PTPRT: variants seen among roughly 807,000 people sequenced by gnomAD.
PTPRT encodes protein tyrosine phosphatase receptor type T.
In PTPRT, 56 loss-of-function variants were observed where a neutral mutation model predicts 176.8. That is an observed-to-expected ratio of 0.32 (90% CI 0.26 to 0.40). The LOEUF (loss-of-function observed/expected upper bound fraction) is 0.40. Ranked by LOEUF, PTPRT falls within the 10% of genes least tolerant of loss-of-function variation. The pLI, the probability that PTPRT is intolerant of heterozygous loss-of-function variation, is 1.00. For missense variants in PTPRT, 1,540 were observed against 1,908.2 expected, an observed-to-expected ratio of 0.81 and a Z score of 3.60; for synonymous variants, 783 against 739.0, an observed-to-expected ratio of 1.06 and a Z score of -0.96.
intron 6 of PTPRT, among the ~76,000 whole-genome samples, chr20:42,726,067 T>TTATTAC (rs1279802790): frequency 8.3e-6 from 1 of 120,068 alleles, no homozygotes; most frequent in African/African-American, 3.1e-5. Flanking sequence ...TTTATTATTA[T>TTATTAC]TATTATTATT....
At chr20:42,608,524 C>G (rs1359583597) in intron 7 of PTPRT, among the ~76,000 whole-genome samples, 2 of 152,172 alleles carry the variant, frequency 1.3e-5, no homozygotes, top group African/African-American at 4.8e-5. Context: ...GCAGGATTTG[C>G]ACACAGGATC....
At chr20:42,506,857 A>G (rs763599685) in intron 7 of PTPRT, among the ~76,000 whole-genome samples, 3 of 152,034 alleles carry the variant, frequency 2.0e-5, no homozygotes, top group Non-Finnish European at 4.4e-5. Context: ...TGTTTTCTCA[A>G]CCTCTGACCA....
In PTPRT at chr20:42,080,406, T is replaced by C; in HGVS notation, c.*473A>G. ...GGTGCCAGAGGCCCCTGAAGGAGGT[T>C]GCAGGGGGCAGCAGAGCAGTGACCC... On this transcript the variant is annotated 3_prime_UTR_variant, in exon 31 of 31. Coordinates refer to ENST00000373187, the MANE Select transcript of PTPRT (RefSeq NM_007050.6). The C allele has an allele frequency of 4.3e-6, 1 of 233,884 alleles. No homozygotes were observed. Among genetic ancestry groups the C allele is most frequent in the Non-Finnish European group, 8.4e-6 (1 of 118,670 alleles). 14.5% of individuals were successfully genotyped at this position (233,884 alleles called of 1,614,324 possible). A position where few individuals can be genotyped will look rare whatever the true frequency, so the allele number is the denominator to read the frequency against.
chr20:43,098,018 T>A (rs536578925), intron 1 of PTPRT, among the ~76,000 whole-genome samples: 1 of 152,200 alleles, frequency 6.6e-6, no homozygotes, highest in East Asian at 1.9e-4. Context: ...GGCAGTCCCC[T>A]TCGCCAGCTT....
At chr20:43,182,540 G>T (rs1431727224) in intron 1 of PTPRT, among the ~76,000 whole-genome samples, 3 of 152,002 alleles carry the variant, frequency 2.0e-5, no homozygotes, top group Non-Finnish European at 2.9e-5. Flanking sequence ...ACAGGCACAT[G>T]CTACCACACC....
chr20:43,033,698 C>A (rs191704394), intron 1 of PTPRT, among the ~76,000 whole-genome samples: 2 of 152,290 alleles, frequency 1.3e-5, no homozygotes, highest in African/African-American at 4.8e-5. Context: ...AATTTTACCT[C>A]CAAATCTGCA....
At chr20:42,849,536 G>A (rs960573593) in intron 2 of PTPRT, among the ~76,000 whole-genome samples, 2 of 152,090 alleles carry the variant, frequency 1.3e-5, no homozygotes, top group African/African-American at 4.8e-5. Flanking sequence ...TGCCCCTAGG[G>A]TAGCCAAAAC....
rs1281062439 is a variant in PTPRT at position 42,811,993 on chromosome 20, T to A, written c.215-20527A>T. On this transcript the variant is annotated intron_variant, in intron 2 of 30. Transcript: ENST00000373187. ...TTATATTCTTGAACTATGCTTTCTTTCCCTCAAATCTTTTAGATAACCATT... is the reference window on the plus strand; with the variant it reads ...TTATATTCTTGAACTATGCTTTCTTACCCTCAAATCTTTTAGATAACCATT... Among the ~76,000 whole-genome samples, 4 of 152,254 alleles carry A rather than the reference T, an allele frequency of 2.6e-5. No individual in the cohort carries two copies. The East Asian group carries it at 7.7e-4, about 29-fold the overall frequency.
chr20:42,353,165 C>T (rs1489181191), intron 9 of PTPRT, among the ~76,000 whole-genome samples: 1 of 152,182 alleles, frequency 6.6e-6, no homozygotes. Flanking sequence ...CAGTGGTCAC[C>T]ATGCTGGACA....
chr20:42,045,332 G>T, the PTPRT span, among the ~76,000 whole-genome samples: 3 of 151,824 alleles, frequency 2.0e-5, no homozygotes, highest in African/African-American at 7.3e-5. Context: ...TAACAACCAA[G>T]GGAAGATAAC....
chr20:43,014,784 G>A (rs1985295915), intron 1 of PTPRT, among the ~76,000 whole-genome samples: 1 of 152,134 alleles, frequency 6.6e-6, no homozygotes, highest in Non-Finnish European at 1.5e-5. Context: ...AATAAAAAGG[G>A]TAAAAGAGGA....
intron 15 of PTPRT, among the ~76,000 whole-genome samples, chr20:42,202,471 C>T (rs1023374048): frequency 3.3e-5 from 5 of 152,134 alleles, no homozygotes; most frequent in Non-Finnish European, 7.3e-5. Flanking sequence ...AGATATACAA[C>T]AAGAAATGAA....
intron 1 of PTPRT, among the ~76,000 whole-genome samples, chr20:42,999,258 A>T (rs1025288156): frequency 1.3e-5 from 2 of 152,218 alleles, no homozygotes; most frequent in African/African-American, 2.4e-5. Context: ...ACACAAAGAG[A>T]CAAAAAGACT....
At chr20:42,155,441 C>T (rs975688551) in intron 17 of PTPRT, among the ~76,000 whole-genome samples, 5 of 152,058 alleles carry the variant, frequency 3.3e-5, no homozygotes, top group Admixed American at 6.5e-5. Context: ...CCAGCTGGCT[C>T]GGCCAATTGG....
chr20:42,210,907 T>C (rs2055607964), intron 15 of PTPRT, among the ~76,000 whole-genome samples: 1 of 151,182 alleles, frequency 6.6e-6, no homozygotes, highest in Non-Finnish European at 1.5e-5. Context: ...ACTACAAGGC[T>C]ACAGTAACCA....
chr20:43,143,314 A>C (rs1247570375), intron 1 of PTPRT, among the ~76,000 whole-genome samples: 1 of 152,228 alleles, frequency 6.6e-6, no homozygotes, highest in Non-Finnish European at 1.5e-5. Context: ...TCTAATAAAA[A>C]TTCAACAGCT....
intron 7 of PTPRT, among the ~76,000 whole-genome samples, chr20:42,639,363 G>A (rs1051388691): frequency 4.6e-5 from 7 of 151,934 alleles, no homozygotes; most frequent in African/African-American, 1.5e-4. Context: ...TGTTTTCCTC[G>A]TGGTAAAGTA....
intron 1 of PTPRT, among the ~76,000 whole-genome samples, chr20:42,960,671 T>G (rs1332346800): frequency 6.6e-6 from 1 of 152,124 alleles, no homozygotes; most frequent in Non-Finnish European, 1.5e-5. Flanking sequence ...ACTAGGTACA[T>G]GCACACAGGT....
At chr20:42,281,143 A>G (rs1452301596) in intron 13 of PTPRT, among the ~76,000 whole-genome samples, 1 of 151,998 alleles carries the variant, frequency 6.6e-6, no homozygotes, top group Non-Finnish European at 1.5e-5. Context: ...TACCCAATTG[A>G]TGGTGTTCTT....
Sources: gnomAD v4.1 joint callset for allele counts (sites outside exome capture counted in the v4.1 genomes callset) on GRCh38, gnomAD v4.1.1 for gene constraint, MANE v1.5 for transcripts, NCBI Gene and HGNC (gene_info 2026-07-23, HGNC 2026-07-21) for gene names.